Variants in AGBL4 observed in about 807,000 individuals in gnomAD.
AGBL4 encodes AGBL carboxypeptidase 4.
Under a neutral mutation model 66.4 loss-of-function variants are expected in AGBL4, and 58 were observed. The ratio of observed to expected loss-of-function variants is 0.87; its 90% CI spans 0.71 to 1.09. The LOEUF is 1.09. Among genes scored for constraint, AGBL4 ranks in the 50% least tolerant of loss-of-function variants. The pLI is 0.00. For synonymous variants in AGBL4, 234 were observed against 222.9 expected, an observed-to-expected ratio of 1.05 and a Z score of -0.44; for missense variants, 579 against 631.0, an observed-to-expected ratio of 0.92 and a Z score of 0.88.
chr1:49,362,457 A>AT, intron 3 of AGBL4, among the ~76,000 whole-genome samples: 1 of 151,114 alleles, frequency 6.6e-6, no homozygotes, highest in East Asian at 1.9e-4. Context: ...CTCAAAAAAA[A>AT]AAAAAAAAAA....
intron 1 of AGBL4, among the ~76,000 whole-genome samples, chr1:49,956,070 T>C (rs958996494): frequency 6.6e-6 from 1 of 151,956 alleles, no homozygotes; most frequent in African/African-American, 2.4e-5. Context: ...TATTATTGGC[T>C]GTAGTTTCCT....
intron 5 of AGBL4, among the ~76,000 whole-genome samples, chr1:48,913,363 C>T (rs1653310318): frequency 6.6e-6 from 1 of 152,152 alleles, no homozygotes; most frequent in Admixed American, 6.5e-5. Flanking sequence ...GTCCCCAAAT[C>T]CCAGTTCTGT....
chr1:48,638,872 T>A (rs1645710740), intron 8 of AGBL4, among the ~76,000 whole-genome samples: 1 of 152,212 alleles, frequency 6.6e-6, no homozygotes, highest in Non-Finnish European at 1.5e-5. Context: ...ATAGTTCTCA[T>A]GACCATTCAA....
At chr1:49,732,527 T>C (rs1649533955) in intron 2 of AGBL4, among the ~76,000 whole-genome samples, 1 of 152,014 alleles carries the variant, frequency 6.6e-6, no homozygotes. Context: ...GTTTATGAAA[T>C]AAATTATGAT....
intron 1 of AGBL4, among the ~76,000 whole-genome samples, chr1:50,014,734 A>AGGCTGGT (rs989298970): frequency 6.6e-6 from 1 of 151,994 alleles, no homozygotes; most frequent in Admixed American, 6.6e-5. Context: ...CACGTTGGCC[A>AGGCTGGT]GGCTGGTCTC....
intron 1 of AGBL4, among the ~76,000 whole-genome samples, chr1:49,983,636 C>T (rs1469916108): frequency 6.6e-6 from 1 of 152,248 alleles, no homozygotes; most frequent in Non-Finnish European, 1.5e-5. Flanking sequence ...AAGCAACACC[C>T]CAAGCATCCC....
At position 49,614,203 on chromosome 1, in the gene AGBL4, C is replaced by T. The variant is rs190943178; in HGVS notation, c.282+83110G>A. Among the ~76,000 whole-genome samples, 27 of 152,254 alleles carry T rather than the reference C, an allele frequency of 1.8e-4. 1 individual carries two copies. The East Asian group carries it at 4.3e-3, about 24-fold the overall frequency. On this transcript the variant is annotated intron_variant, in intron 3 of 13. Transcript: ENST00000371839. ...AATATAAACAGCACTGCAGAGGCCT[C>T]TTTTTGGGCACTACCTTCCTGCCAA... is the stretch of plus-strand genomic sequence containing the variant.
intron 11 of AGBL4, among the ~76,000 whole-genome samples, chr1:48,562,914 G>T (rs1214040239): frequency 6.6e-6 from 1 of 152,178 alleles, no homozygotes; most frequent in African/African-American, 2.4e-5. Context: ...GTTGTTCAGG[G>T]TTATGGCAGG....
At chr1:48,886,261 G>A (rs754035627) in intron 5 of AGBL4, among the ~76,000 whole-genome samples, 1 of 152,148 alleles carries the variant, frequency 6.6e-6, no homozygotes, top group Non-Finnish European at 1.5e-5. Flanking sequence ...CCACTGCACA[G>A]GTTGTGCATG....
At position 49,973,448 on chromosome 1, in the gene AGBL4, T is replaced by G. The variant is rs1157749871; in HGVS notation, c.34+50315A>C. Among the ~76,000 whole-genome samples the G allele has an allele frequency of 1.5e-4, 23 of 152,068 alleles. 1 individual carries two copies. Among genetic ancestry groups the G allele is most frequent in the Admixed American group, 1.5e-3 (23 of 15,266 alleles). On this transcript the variant is annotated intron_variant, in intron 1 of 13. Transcript: ENST00000371839. ...GCTACTATGTTAAATAGTTCAGATA[T>G]AGTAGATCACTTCCATAATTGCAGA...
At chr1:49,310,745 C>T (rs1355958390) in intron 3 of AGBL4, among the ~76,000 whole-genome samples, 1 of 151,936 alleles carries the variant, frequency 6.6e-6, no homozygotes, top group African/African-American at 2.4e-5. Context: ...CAGCAGAAAA[C>T]TGGCTGTGAA....
At chr1:48,705,847 T>C (rs1168921455) in intron 6 of AGBL4, among the ~76,000 whole-genome samples, 2 of 103,950 alleles carry the variant, frequency 1.9e-5, no homozygotes, top group East Asian at 4.5e-4. Flanking sequence ...AAAATTTATA[T>C]TGAAGATTGA....
At chr1:49,133,166 C>T (rs1403498375) in intron 4 of AGBL4, among the ~76,000 whole-genome samples, 4 of 152,124 alleles carry the variant, frequency 2.6e-5, no homozygotes, top group Non-Finnish European at 4.4e-5. Flanking sequence ...CATGTTCTCA[C>T]TCATAAGTGG....
rs570205028 is a variant in AGBL4 at position 49,498,178 on chromosome 1, TAGTA to T, written c.282+199131_282+199134del. Among the ~76,000 whole-genome samples the T allele has an allele frequency of 3.6e-3, 551 of 152,074 alleles. 6 individuals carry two copies. Among genetic ancestry groups the T allele is most frequent in the Admixed American group, 5.8e-3 (89 of 15,264 alleles). On this transcript the variant is annotated intron_variant, in intron 3 of 13. Coordinates refer to ENST00000371839, the MANE Select transcript of AGBL4 (RefSeq NM_032785.4). ...TTGATTTATTTTTTGGATAGTTCAT[TAGTA>T]AGTGTGTAGAAACTACTGATAATTG... is the stretch of plus-strand genomic sequence containing the variant.
At chr1:49,855,336 C>T (rs1646406704) in intron 1 of AGBL4, among the ~76,000 whole-genome samples, 1 of 152,136 alleles carries the variant, frequency 6.6e-6, no homozygotes, top group East Asian at 1.9e-4. Context: ...AAAACCCCCA[C>T]ATTCAGCATT....
chr1:49,868,193 T>C (rs775830647), intron 1 of AGBL4, among the ~76,000 whole-genome samples: 28 of 152,134 alleles, frequency 1.8e-4, no homozygotes, highest in Non-Finnish European at 2.1e-4. Context: ...GAAATGAACA[T>C]ACTGCCCAAA....
chr1:48,973,879 T>C (rs902156617), intron 5 of AGBL4, among the ~76,000 whole-genome samples: 1 of 152,144 alleles, frequency 6.6e-6, no homozygotes, highest in South Asian at 2.1e-4. Flanking sequence ...TTATTAGAGA[T>C]AGTAGCGTTG....
chr1:49,287,770 T>C (rs1477666911), intron 3 of AGBL4, among the ~76,000 whole-genome samples: 1 of 143,076 alleles, frequency 7.0e-6, no homozygotes, highest in African/African-American at 2.6e-5. Context: ...TTGGTGGGAC[T>C]GTAAACTAGT....
intron 11 of AGBL4, among the ~76,000 whole-genome samples, chr1:48,582,238 T>C (rs1160091996): frequency 7.3e-6 from 1 of 137,122 alleles, no homozygotes; most frequent in Non-Finnish European, 1.7e-5. Flanking sequence ...TCACTGAATA[T>C]TAAAACTCAA....
Sources: allele counts gnomAD v4.1 joint callset (sites outside exome capture counted in the v4.1 genomes callset), GRCh38; gene constraint gnomAD v4.1.1; transcripts MANE v1.5; gene names NCBI Gene and HGNC (gene_info 2026-07-23, HGNC 2026-07-21).